ADCY9: variants seen among roughly 807,000 people sequenced by gnomAD.
The protein encoded by ADCY9 is adenylate cyclase 9, also known as adenylate cyclase type 9.
Under a neutral mutation model 101.5 loss-of-function variants are expected in ADCY9, and 50 were observed. The ratio of observed to expected loss-of-function variants is 0.49; its 90% confidence interval spans 0.39 to 0.62. The LOEUF (loss-of-function observed/expected upper bound fraction) is 0.62. Among genes scored for constraint, ADCY9 ranks in the 20% least tolerant of loss-of-function variants. The pLI, the probability that ADCY9 is intolerant of heterozygous loss-of-function variation, is 0.00. For synonymous variants in ADCY9, 905 were observed against 769.3 expected, an observed-to-expected ratio of 1.18 and a Z score of -2.92; for missense variants, 1,662 against 1,800.4, an observed-to-expected ratio of 0.92 and a Z score of 1.39.
At chr16:3,993,132 C>T (rs1020498355) in intron 4 of ADCY9, among the ~76,000 whole-genome samples, 18 of 152,254 alleles carry the variant, frequency 1.2e-4, no homozygotes, top group African/African-American at 3.4e-4. Context: ...AATCCCCTCC[C>T]GGCACTCGAA....
At chr16:4,036,084 C>T (rs2056587582) in intron 2 of ADCY9, among the ~76,000 whole-genome samples, 1 of 148,012 alleles carries the variant, frequency 6.8e-6, no homozygotes, top group Non-Finnish European at 1.5e-5. Context: ...TCCTTAGATC[C>T]CATGATGCCA....
At chr16:4,108,373 TTTTTTTTTTTTTTTTTTG>T (rs2057091734) in intron 2 of ADCY9, among the ~76,000 whole-genome samples, 1 of 138,324 alleles carries the variant, frequency 7.2e-6, no homozygotes, top group Non-Finnish European at 1.6e-5. Flanking sequence ...TTTTTTTTTT[TTTTTTTTTTTTTTTTTTG>T]GCGACAAAGT....
At chr16:4,107,277 G>A (rs1219401678) in intron 2 of ADCY9, among the ~76,000 whole-genome samples, 2 of 152,152 alleles carry the variant, frequency 1.3e-5, no homozygotes, top group Non-Finnish European at 2.9e-5. Flanking sequence ...AAGGCTGGGC[G>A]TGGTGGCTCA....
At chr16:4,014,452 TTTTG>T (rs2056424528) in intron 2 of ADCY9, among the ~76,000 whole-genome samples, 1 of 152,078 alleles carries the variant, frequency 6.6e-6, no homozygotes. Context: ...AAAAAAATTT[TTTTG>T]TTTTTTTTTG....
intron 2 of ADCY9, among the ~76,000 whole-genome samples, chr16:4,044,672 C>A (rs1453228593): frequency 1.3e-5 from 2 of 152,186 alleles, no homozygotes; most frequent in Non-Finnish European, 2.9e-5. Context: ...TAGATCCCAA[C>A]AGAGAAGGCT....
chr16:3,992,037 C>T lies in ADCY9; in HGVS notation c.2207+109G>A, dbSNP rs2141702358. On this transcript the variant is annotated intron_variant, in intron 5 of 10. Transcript: ENST00000294016. The surrounding 1 kb of genome is among the most constrained non-coding windows in gnomAD (Gnocchi z 4.2). ...AGTGAGCCAAGATCGCGCCACTGCACTGCAGCCTGGATGACAGAGCGAGAC... is the reference window on the plus strand; with the variant it reads ...AGTGAGCCAAGATCGCGCCACTGCATTGCAGCCTGGATGACAGAGCGAGAC... 1 of 1,136,468 alleles carries T rather than the reference C, an allele frequency of 8.8e-7. No individual in the cohort carries two copies. The highest frequency in any genetic ancestry group is 1.3e-6 in the Non-Finnish European group (1 of 795,958). 70.4% of individuals were successfully genotyped at this position (1,136,468 alleles called of 1,614,324 possible).
At chr16:3,984,166 A>C (rs1394280112) in intron 6 of ADCY9, 1 of 152,252 alleles carries the variant, frequency 6.6e-6, no homozygotes. Flanking sequence ...ATTTAGCTGC[A>C]AGATGAGTTA....
At position 3,965,849 on chromosome 16, in the gene ADCY9, T is replaced by C. The variant is rs997578740; in HGVS notation, c.3988A>G (p.Lys1330Glu). The change falls in exon 11 of 11, where the codon AAA becomes GAA. Residue 1330 changes from lysine to glutamate, a missense_variant. Around this residue, in one of 5 missense-constraint regions of ADCY9, gnomAD observed 168 missense variants for 155.3 expected, o/e 1.08. Transcript: ENST00000294016. Reference protein sequence around the residue: ...ERGRFGKAIEKDDCDETGIEE... With the variant: ...ERGRFGKAIEEDDCDETGIEE... ...ATTCCTGTTTCGTCACAGTCGTCTT[T>C]CTCTATGGCTTTGCCAAATCGACCC... 1 of 1,614,202 alleles carries C rather than the reference T, an allele frequency of 6.2e-7. No homozygotes were observed. Among genetic ancestry groups the C allele is most frequent in the Non-Finnish European group, 8.5e-7 (1 of 1,180,052 alleles).
At chr16:3,981,383 C>T (rs2056141078) in intron 7 of ADCY9, among the ~76,000 whole-genome samples, 1 of 151,418 alleles carries the variant, frequency 6.6e-6, no homozygotes, top group Admixed American at 6.6e-5. Flanking sequence ...CTACAGCTAC[C>T]CACATTAGAG....
Position 4,115,600 on chromosome 16 carries a change from C to T in ADCY9, c.-44+90G>A, listed in dbSNP as rs2057146015. ...TCCAGCACGCGACCTGGACAGGCAC[C>T]ATCTGTTCCTGTGGTTCCCGGCTCA... is the stretch of plus-strand genomic sequence containing the variant. On this transcript the variant is annotated intron_variant, in intron 1 of 10. Coordinates refer to ENST00000294016, the MANE Select transcript of ADCY9 (RefSeq NM_001116.4). The surrounding 1 kb of genome is among the most constrained non-coding windows in gnomAD (Gnocchi z 6.2). 3 of 870,234 alleles carry T rather than the reference C, an allele frequency of 3.4e-6. No individual in the cohort carries two copies. The highest frequency in any genetic ancestry group is 5.1e-6 in the Non-Finnish European group (3 of 586,256). The allele number at this position is 870,234 out of a possible 1,614,324, so 53.9% of individuals were successfully genotyped here.
At chr16:4,105,672 C>T (rs907135516) in intron 2 of ADCY9, among the ~76,000 whole-genome samples, 4 of 104,574 alleles carry the variant, frequency 3.8e-5, no homozygotes, top group African/African-American at 1.1e-4. Flanking sequence ...AGTGAGACTC[C>T]GTCTCAAAAA....
At position 4,040,574 on chromosome 16, in the gene ADCY9, G is replaced by A. The variant is rs149840628; in HGVS notation, c.1694-33016C>T. On this transcript the variant is annotated intron_variant, in intron 2 of 10. Transcript: ENST00000294016. ...TGGGTTCATGCGATCCTCCCACTTC[G>A]GCCTCCCGAGTAGCTAGGATTACAG... Among the ~76,000 whole-genome samples the A allele has an allele frequency of 1.0e-3, 158 of 151,194 alleles. 2 individuals are homozygous for A. The South Asian group carries it at 0.017, about 16-fold the overall frequency.
At chr16:4,113,525 T>G (rs1299599413) in intron 2 of ADCY9, among the ~76,000 whole-genome samples, 1 of 152,138 alleles carries the variant, frequency 6.6e-6, no homozygotes, top group African/African-American at 2.4e-5. Context: ...CTTCTAAAGG[T>G]CGCGTCTAGG....
At chr16:4,041,365 G>A (rs185811921) in intron 2 of ADCY9, among the ~76,000 whole-genome samples, 5 of 152,162 alleles carry the variant, frequency 3.3e-5, no homozygotes, top group Admixed American at 6.5e-5. Context: ...GTAGCTGGGC[G>A]TAGTGGTTTA....
rs1039636314 is a variant in ADCY9, at chr16:3,992,935, G to C, written c.1989+471C>G. ...TGAGTCGCCTGCATGAGCCCCCGCC[G>C]ACAGGCTCTCGCGGGTGGGCTGAGT... On this transcript the variant is annotated intron_variant, in intron 4 of 10. Transcript: ENST00000294016. The surrounding 1 kb of genome is among the most constrained non-coding windows in gnomAD (Gnocchi z 4.2). 2.0e-4 allele frequency among the ~76,000 whole-genome samples: 30 copies of C among 152,130 alleles called. No individual in the cohort carries two copies. The highest frequency in any genetic ancestry group is 6.8e-4 in the African/African-American group (28 of 41,434).
intron 2 of ADCY9, among the ~76,000 whole-genome samples, chr16:4,056,075 C>A (rs551298055): frequency 6.6e-6 from 1 of 152,240 alleles, no homozygotes; most frequent in South Asian, 2.1e-4. Flanking sequence ...CGGTGTTGTG[C>A]GATACAGAAC....
At chr16:4,045,820 G>A (rs75401317) in intron 2 of ADCY9, among the ~76,000 whole-genome samples, 11 of 148,236 alleles carry the variant, frequency 7.4e-5, no homozygotes, top group African/African-American at 2.5e-4. Flanking sequence ...CACCTCAGCC[G>A]CCCGAGTAGC....
chr16:4,089,376 T>C lies in ADCY9; in HGVS notation c.1693+24374A>G, dbSNP rs544382446. On this transcript the variant is annotated intron_variant, in intron 2 of 10. Transcript: ENST00000294016. The stretch of plus-strand genomic sequence containing the variant: ...TTCAGTATTCGTCCACGTTGTCACA[T>C]GTATCAGAACTCCATTCCTTTTTAA... 3.4e-4 allele frequency among the ~76,000 whole-genome samples: 52 copies of C among 152,220 alleles called. No homozygotes were observed. The South Asian group carries it at 0.011, about 31-fold the overall frequency.
intron 2 of ADCY9, among the ~76,000 whole-genome samples, chr16:4,107,595 A>G (rs1451278213): frequency 1.3e-5 from 2 of 148,304 alleles, no homozygotes; most frequent in Non-Finnish European, 3.0e-5. Context: ...AGTGCAGGTC[A>G]ACACAGAATT....
Sources: gnomAD v4.1 joint callset for allele counts (sites outside exome capture counted in the v4.1 genomes callset) on GRCh38, gnomAD v4.1.1 for gene constraint, gnomAD v4.1.1 regional missense constraint, Gnocchi (gnomAD v3.1) non-coding constraint, MANE v1.5 for transcripts, NCBI Gene and HGNC (gene_info 2026-07-23, HGNC 2026-07-21) for gene names.